The following PDZD2 variants were observed in gnomAD, a reference collection of about 807,000 sequenced individuals.
The protein encoded by PDZD2 is PDZ domain containing 2, also known as PDZ domain-containing protein 2.
Under a neutral mutation model 220.7 loss-of-function variants are expected in PDZD2, and 90 were observed. The observed-to-expected ratio is 0.41, with a 90% CI of 0.34 to 0.49. PDZD2 has a LOEUF of 0.49. Ranked by LOEUF, PDZD2 falls within the 20% of genes least tolerant of loss-of-function variation. The probability of loss-of-function intolerance (pLI) is 0.28; values close to 1 mark genes in which losing one functional copy is unlikely to be tolerated. For synonymous variants in PDZD2, 1,375 were observed against 1,450.5 expected, an observed-to-expected ratio of 0.95 and a Z score of 1.18; for missense variants, 3,174 against 3,608.5, an observed-to-expected ratio of 0.88 and a Z score of 3.08.
intron 7 of PDZD2, among the ~76,000 whole-genome samples, chr5:32,038,614 T>C (rs1755755280): frequency 6.6e-6 from 1 of 152,168 alleles, no homozygotes; most frequent in Admixed American, 6.5e-5. Flanking sequence ...TTATTTTTTT[T>C]TCTGCTTATT....
intron 20 of PDZD2, among the ~76,000 whole-genome samples, 170 bp downstream of exon 20, chr5:32,091,345 C>T (rs1293975003): frequency 2.2e-5 from 3 of 135,402 alleles, no homozygotes; most frequent in Non-Finnish European, 4.5e-5. Context: ...AGTGCAATGG[C>T]GCGATCTCGG....
intron 20 of PDZD2, among the ~76,000 whole-genome samples, chr5:32,092,245 G>T (rs1312958586): frequency 6.8e-6 from 1 of 146,422 alleles, no homozygotes; most frequent in African/African-American, 2.6e-5. Flanking sequence ...CTGCACTCCA[G>T]CCTGGGCAAC....
At chr5:31,969,531 A>AAAAAAAAAAAAAAAAAAAAAAAAC (rs1749095050) in intron 2 of PDZD2, among the ~76,000 whole-genome samples, 5 of 145,640 alleles carry the variant, frequency 3.4e-5, no homozygotes, top group Non-Finnish European at 7.6e-5. Context: ...AAAAAAAAAA[A>AAAAAAAAAAAAAAAAAAAAAAAAC]AAAACAATGG....
rs1491302993 is a variant in PDZD2 at position 31,752,069 on chromosome 5, G to GTT, written c.-360-46818_-360-46817dup. On this transcript the variant is annotated intron_variant, in intron 1 of 24. Transcript: ENST00000438447. ...TTGTTTGTTTGTTTTATTGTTTTGG[G>GTT]TTTGTTTTTTTTTTTTTTTTTCTGA... Among the ~76,000 whole-genome samples, 128 of 95,814 alleles carry GTT rather than the reference G, an allele frequency of 1.3e-3. 12 individuals carry two copies. The highest frequency in any genetic ancestry group is 1.7e-3 in the Non-Finnish European group (91 of 52,166). 62.9% of individuals were successfully genotyped at this position (95,814 alleles called of 152,430 possible).
At chr5:31,919,129 T>C (rs1480974463) in intron 2 of PDZD2, among the ~76,000 whole-genome samples, 1 of 152,010 alleles carries the variant, frequency 6.6e-6, no homozygotes, top group African/African-American at 2.4e-5. Flanking sequence ...AGTGAGTAGG[T>C]TTTACTGGAG....
intron 12 of PDZD2, among the ~76,000 whole-genome samples, chr5:32,058,363 A>T (rs1156919711): frequency 4.1e-5 from 5 of 122,704 alleles, no homozygotes; most frequent in African/African-American, 9.6e-5. Flanking sequence ...GCTTGTGTTT[A>T]AAAAAAAAAA....
chr5:32,048,560 C>G lies in PDZD2; in HGVS notation c.1541C>G (p.Ser514Ter). Reference sequence around the variant, plus strand: ...CAAGGGGGTGTACACCGCCTTGAGTCAGTTGAAGAATATAACGAGCTGATG... The same window carrying G: ...CAAGGGGGTGTACACCGCCTTGAGTGAGTTGAAGAATATAACGAGCTGATG... ...RLSGGVHRLESVEEYNELMVR... is the reference protein window; with the variant it reads ...RLSGGVHRLE Residue 514 changes from serine (S) to a stop codon, truncating the protein, a stop_gained, in exon 8 of 25, where the codon TCA becomes TGA. Coordinates refer to ENST00000438447, the MANE Select transcript of PDZD2 (RefSeq NM_178140.4). LOFTEE classifies it high-confidence loss of function. The G allele has an allele frequency of 1.9e-6, 3 of 1,613,800 alleles. No individual in the cohort carries two copies. Among genetic ancestry groups the G allele is most frequent in the Non-Finnish European group, 2.5e-6 (3 of 1,179,770 alleles).
intron 12 of PDZD2, 86 bp from the exon 13 acceptor site, chr5:32,059,153 T>C (rs935934251): frequency 8.4e-6 from 6 of 715,058 alleles, no homozygotes; most frequent in South Asian, 5.0e-5. Context: ...TGAATAGATA[T>C]TAATTCTGTT....
intron 2 of PDZD2, among the ~76,000 whole-genome samples, chr5:31,977,788 C>T (rs1451509216): frequency 1.3e-5 from 2 of 152,154 alleles, no homozygotes; most frequent in Non-Finnish European, 2.9e-5. Context: ...GCCTGGCCAA[C>T]ATGGCAAAAC....
At chr5:31,813,329 A>T (rs546387343) in intron 2 of PDZD2, among the ~76,000 whole-genome samples, 1 of 152,064 alleles carries the variant, frequency 6.6e-6, no homozygotes, top group South Asian at 2.1e-4. Context: ...AGGCGTCTAT[A>T]GTCCCAGCTA....
At chr5:31,979,280 ATATT>A (rs1287341783) in intron 2 of PDZD2, among the ~76,000 whole-genome samples, 2 of 152,158 alleles carry the variant, frequency 1.3e-5, no homozygotes, top group Non-Finnish European at 2.9e-5. Flanking sequence ...GATAAAATGA[ATATT>A]TCTGGCCAAG....
intron 2 of PDZD2, among the ~76,000 whole-genome samples, chr5:31,880,636 T>C (rs945584736): frequency 1.3e-5 from 2 of 152,158 alleles, no homozygotes; most frequent in South Asian, 4.1e-4. Flanking sequence ...GAAATAGTTA[T>C]TGTTCCCTGG....
intron 3 of PDZD2, among the ~76,000 whole-genome samples, chr5:31,989,434 T>TTTTTTTTATTTATTTATTTA (rs1751032110): frequency 6.7e-6 from 1 of 148,784 alleles, no homozygotes. Context: ...TTTTTTTTTT[T>TTTTTTTTATTTATTTATTTA]TTTTTTGAGA....
At chr5:31,982,744 C>T (rs1212528816) in intron 2 of PDZD2, among the ~76,000 whole-genome samples, 1 of 152,154 alleles carries the variant, frequency 6.6e-6, no homozygotes, top group Non-Finnish European at 1.5e-5. Flanking sequence ...CATTCTTTAC[C>T]CTGGGGACTC....
intron 2 of PDZD2, among the ~76,000 whole-genome samples, chr5:31,823,684 G>A (rs1273087755): frequency 6.6e-6 from 1 of 152,118 alleles, no homozygotes; most frequent in Non-Finnish European, 1.5e-5. Flanking sequence ...ATTGAACTCT[G>A]CCATCAAGCG....
intron 22 of PDZD2, 130 bp downstream of exon 22, chr5:32,097,510 A>C: frequency 1.5e-6 from 1 of 683,374 alleles, no homozygotes; most frequent in South Asian, 1.7e-5. Flanking sequence ...CAACATAAAA[A>C]GGGAGAAGTG....
intron 3 of PDZD2, among the ~76,000 whole-genome samples, chr5:31,984,567 C>A (rs948936298): frequency 2.6e-5 from 4 of 152,134 alleles, no homozygotes; most frequent in African/African-American, 7.2e-5. Flanking sequence ...TGAGGCCAGG[C>A]GCGGCAGCTT....
chr5:31,702,791 A>G (rs920817146), intron 1 of PDZD2, among the ~76,000 whole-genome samples: 1 of 152,214 alleles, frequency 6.6e-6, no homozygotes, highest in Non-Finnish European at 1.5e-5. Context: ...CCTGGTTGAT[A>G]GTGTGTTTAC....
Position 31,870,659 on chromosome 5 carries a change from G to C in PDZD2, c.476+70935G>C, listed in dbSNP as rs916075370. Among the ~76,000 whole-genome samples, 26 of 152,046 alleles carry C rather than the reference G, an allele frequency of 1.7e-4. 2 individuals are homozygous for C. Among genetic ancestry groups the C allele is most frequent in the Non-Finnish European group, 2.9e-5 (2 of 68,006 alleles). ...TCCCAGCACTTTGGGAGGGCGAGGT[G>C]GGTGGATCACCTGAGGTCAGGAGTT... is the stretch of plus-strand genomic sequence containing the variant. On this transcript the variant is annotated intron_variant, in intron 2 of 24. Transcript: ENST00000438447.
Sources: gnomAD v4.1 joint callset for allele counts (sites outside exome capture counted in the v4.1 genomes callset) on GRCh38, gnomAD v4.1.1 for gene constraint, MANE v1.5 for transcripts, NCBI Gene and HGNC (gene_info 2026-07-23, HGNC 2026-07-21) for gene names.